Variants in SNED1 observed in about 807,000 individuals in gnomAD.
SNED1 encodes the protein sushi, nidogen and EGF like domains 1, also known as sushi, nidogen and EGF-like domain-containing protein 1.
SNED1 carries 81 observed loss-of-function variants against 166.7 expected under a neutral mutation model. That is an observed-to-expected ratio of 0.49 (90% CI 0.41 to 0.58). The LOEUF is 0.58. Ranked by LOEUF, SNED1 falls within the 20% of genes least tolerant of loss-of-function variation. The pLI is 0.00. For missense variants in SNED1, 1,604 were observed against 2,000.2 expected (o/e 0.80, Z 3.78); for synonymous variants, 762 against 822.0 (o/e 0.93, Z 1.25).
At position 241,067,377 on chromosome 2, in the gene SNED1, G is replaced by T. The variant is rs867822422; in HGVS notation, c.3011-387G>T. Among the ~76,000 whole-genome samples, 10 of 152,352 alleles carry T rather than the reference G, an allele frequency of 6.6e-5. 1 individual carries two copies. In the Middle Eastern group the frequency reaches 0.01, roughly 155 times the overall value. ...GACAGCGTTGCCCAGACCAGGCCCGGATGTGTGCTCTTAGACCAAAATAGT... is the reference window on the plus strand; with the variant it reads ...GACAGCGTTGCCCAGACCAGGCCCGTATGTGTGCTCTTAGACCAAAATAGT... On this transcript the variant is annotated intron_variant, in intron 21 of 31. Transcript: ENST00000310397.
chr2:241,020,925 G>A lies in SNED1; in HGVS notation c.214-9359G>A, dbSNP rs189904919. 2.6e-5 allele frequency among the ~76,000 whole-genome samples: 4 copies of A among 152,144 alleles called. No individual in the cohort carries two copies. The East Asian group carries it at 5.8e-4, about 22-fold the overall frequency. On this transcript the variant is annotated intron_variant, in intron 1 of 31. Coordinates refer to ENST00000310397, the MANE Select transcript of SNED1 (RefSeq NM_001080437.3). ...TGAAAGTCCCCTGACACCACAGGAC[G>A]GGAACATGCAGGCAGGAAACACCAC...
At chr2:241,006,418 C>T (rs1023426904) in intron 1 of SNED1, among the ~76,000 whole-genome samples, 1 of 152,172 alleles carries the variant, frequency 6.6e-6, no homozygotes, top group African/African-American at 2.4e-5. Flanking sequence ...GAATGGTGAA[C>T]AATGATGAAA....
Position 241,069,582 on chromosome 2 carries a change from G to A in SNED1, c.3308-338G>A, listed in dbSNP as rs550209713. On this transcript the variant is annotated intron_variant, in intron 23 of 31. Coordinates refer to ENST00000310397, the MANE Select transcript of SNED1 (RefSeq NM_001080437.3). This position sits in a 1 kb window ranked among gnomAD's most constrained non-coding sequence, Gnocchi z 4.9. Reference sequence around the variant, plus strand: ...CCCGCCTGGCATGGGAAAGGCTGGTGGGGCAGGGGAGTCTGCACAGGGCTC... The same window carrying A: ...CCCGCCTGGCATGGGAAAGGCTGGTAGGGCAGGGGAGTCTGCACAGGGCTC... 1.2e-4 allele frequency among the ~76,000 whole-genome samples: 19 copies of A among 152,340 alleles called. No individual in the cohort carries two copies. The highest frequency in any genetic ancestry group is 1.5e-5 in the Non-Finnish European group (1 of 68,022).
rs1559309826 is a variant in SNED1, at chr2:241,081,793, G to GGTAA, written c.4033+3_4033+6dup. Reference sequence around the variant, plus strand: ...GTTCAAAGGCAGACGCTGCGAGCTCGGTAAGTCGGGGCTTGGCCTCAGGGC... The same window carrying GGTAA: ...GTTCAAAGGCAGACGCTGCGAGCTCGGTAAGTAAGTCGGGGCTTGGCCTCAGGGC... On this transcript the variant is annotated frameshift_variant and splice_region_variant. Transcript: ENST00000310397. LOFTEE classifies it high-confidence loss of function. The GGTAA allele has an allele frequency of 1.5e-5, 24 of 1,573,470 alleles. No individual in the cohort carries two copies. Among genetic ancestry groups the GGTAA allele is most frequent in the Middle Eastern group, 1.7e-4 (1 of 6,036 alleles).
chr2:241,053,473 G>A (rs921315091), intron 16 of SNED1, 147 bp downstream of exon 16: 120 of 810,328 alleles, frequency 1.5e-4, no homozygotes, highest in Admixed American at 5.4e-4. Context: ...TCTCCTGTCT[G>A]TGAATGTGGA....
At chr2:241,074,115 C>T (rs2062889272) in intron 27 of SNED1, 1 of 152,254 alleles carries the variant, frequency 6.6e-6, no homozygotes, top group South Asian at 2.1e-4. Flanking sequence ...TGGGATCACC[C>T]CTCAACCCAA....
intron 1 of SNED1, among the ~76,000 whole-genome samples, chr2:241,016,171 C>T (rs1285307284): frequency 7.0e-6 from 1 of 143,026 alleles, no homozygotes; most frequent in East Asian, 2.2e-4. Flanking sequence ...TAACAAAAGC[C>T]CACTCTGTCA....
chr2:241,065,501 C>T lies in SNED1; in HGVS notation c.2916C>T (p.Ala972=), dbSNP rs377126229. The change falls in exon 21 of 32, where the codon GCC becomes GCT. Residue 972 remains alanine (A), a synonymous_variant. Transcript: ENST00000310397. Reference sequence around the variant, plus strand: ...CGCACCAGCTCCAGGCCCTGGCGGCCGGCAGGGCCTACAACATCTCCGTCT... The same window carrying T: ...CGCACCAGCTCCAGGCCCTGGCGGCTGGCAGGGCCTACAACATCTCCGTCT... ...RSSHQLQALA[A]GRAYNISVFS... The T allele has an allele frequency of 5.4e-5, 87 of 1,612,934 alleles. No individual in the cohort carries two copies. The highest frequency in any genetic ancestry group is 2.3e-4 in the South Asian group (21 of 91,074).
chr2:241,065,837 G>C (rs1309035886), intron 21 of SNED1, among the ~76,000 whole-genome samples: 4 of 152,158 alleles, frequency 2.6e-5, no homozygotes, highest in Non-Finnish European at 4.4e-5. Flanking sequence ...GCCAAGAGTG[G>C]GAGCAGCACA....
chr2:241,008,711 G>C (rs1273594950), intron 1 of SNED1, among the ~76,000 whole-genome samples: 1 of 152,242 alleles, frequency 6.6e-6, no homozygotes, highest in Non-Finnish European at 1.5e-5. Context: ...AGACACCACT[G>C]TGTGCAGCCC....
intron 1 of SNED1, among the ~76,000 whole-genome samples, chr2:241,007,116 G>T (rs10933527): frequency 1.3e-5 from 2 of 152,182 alleles, no homozygotes; most frequent in Non-Finnish European, 1.5e-5. Flanking sequence ...CTTTGCATCA[G>T]TGTTAAATTT....
At position 241,067,952 on chromosome 2, in the gene SNED1, G is replaced by A. The variant is rs776360957; in HGVS notation, c.3194+5G>A. 1.9e-6 allele frequency: 3 copies of A among 1,602,104 alleles called. No individual in the cohort carries two copies. Among genetic ancestry groups the A allele is most frequent in the Admixed American group, 1.7e-5 (1 of 59,794 alleles). The stretch of plus-strand genomic sequence containing the variant: ...TGTGGACAGGTTCACCTTTAGGTAA[G>A]AAGGGACACCCAGAGCATGGGGCTG... On this transcript the variant is annotated splice_donor_5th_base_variant and intron_variant, in intron 22 of 31. Coordinates refer to ENST00000310397, the MANE Select transcript of SNED1 (RefSeq NM_001080437.3).
Position 241,069,054 on chromosome 2 carries a change from G to A in SNED1, c.3307+31G>A, listed in dbSNP as rs567588131. 8.6e-5 allele frequency: 124 copies of A among 1,439,250 alleles called. No individual in the cohort carries two copies. Among genetic ancestry groups the A allele is most frequent in the African/African-American group, 1.6e-4 (11 of 70,782 alleles). The allele number at this position is 1,439,250 out of a possible 1,614,324, so 89.2% of individuals were successfully genotyped here. ...TAGAGCAGCGCGGCCCCCGGCACAC[G>A]AAAGGCCGTCTTCTAGAAGCTCTGG... On this transcript the variant is annotated intron_variant, in intron 23 of 31. Transcript: ENST00000310397. The surrounding 1 kb of genome is among the most constrained non-coding windows in gnomAD (Gnocchi z 4.9).
intron 8 of SNED1, among the ~76,000 whole-genome samples, chr2:241,047,904 T>C (rs1046510533): frequency 6.6e-6 from 1 of 151,792 alleles, no homozygotes; most frequent in African/African-American, 2.4e-5. Flanking sequence ...GGGTGGTCTC[T>C]CCGGTGCTTC....
At chr2:241,014,383 A>T (rs569807780) in intron 1 of SNED1, among the ~76,000 whole-genome samples, 1 of 152,324 alleles carries the variant, frequency 6.6e-6, no homozygotes, top group South Asian at 2.1e-4. Context: ...GTCCACACCC[A>T]GGAGTGGGAT....
intron 21 of SNED1, among the ~76,000 whole-genome samples, chr2:241,067,435 C>T (rs2062503429): frequency 6.6e-6 from 1 of 152,234 alleles, no homozygotes; most frequent in Non-Finnish European, 1.5e-5. Context: ...GTCCGGGTTA[C>T]TCATGTCCAG....
At chr2:241,009,244 G>C (rs1032867132) in intron 1 of SNED1, among the ~76,000 whole-genome samples, 1 of 152,146 alleles carries the variant, frequency 6.6e-6, no homozygotes, top group African/African-American at 2.4e-5. Flanking sequence ...GGTGTGGACA[G>C]GCTGAAGGCA....
intron 24 of SNED1, 122 bp downstream of exon 24, chr2:241,070,323 G>T: frequency 3.8e-6 from 4 of 1,039,314 alleles, no homozygotes; most frequent in Non-Finnish European, 5.4e-6. Flanking sequence ...AAACAGGACC[G>T]TGTTAGCAGG....
Position 241,066,784 on chromosome 2 carries a change from C to T in SNED1, c.3011-980C>T, listed in dbSNP as rs550212862. On this transcript the variant is annotated intron_variant, in intron 21 of 31. Coordinates refer to ENST00000310397, the MANE Select transcript of SNED1 (RefSeq NM_001080437.3). Reference sequence around the variant, plus strand: ...TTCTCACAGGAGGAAAGCCTCCTGGCCACACCTGGGCCCTAGCTTGATGCC... The same window carrying T: ...TTCTCACAGGAGGAAAGCCTCCTGGTCACACCTGGGCCCTAGCTTGATGCC... Among the ~76,000 whole-genome samples, 10 of 152,260 alleles carry T rather than the reference C, an allele frequency of 6.6e-5. No individual in the cohort carries two copies. In the East Asian group the frequency reaches 1.9e-3, roughly 29 times the overall value.
Sources: allele counts gnomAD v4.1 joint callset (sites outside exome capture counted in the v4.1 genomes callset), GRCh38; gene constraint gnomAD v4.1.1; non-coding constraint Gnocchi (gnomAD v3.1); transcripts MANE v1.5; gene names NCBI Gene and HGNC (gene_info 2026-07-23, HGNC 2026-07-21).